The following FRMD4A variants were observed in gnomAD, a reference collection of about 807,000 sequenced individuals.
FRMD4A encodes FERM domain containing 4A.
In FRMD4A, 29 loss-of-function variants were observed where a neutral mutation model predicts 129.1. The ratio of observed to expected loss-of-function variants is 0.22; its 90% confidence interval spans 0.17 to 0.31. The LOEUF is 0.31. Among genes scored for constraint, FRMD4A ranks in the 10% least tolerant of loss-of-function variants. The probability of loss-of-function intolerance (pLI) is 1.00; values close to 1 mark genes in which losing one functional copy is unlikely to be tolerated. For missense variants in FRMD4A, 1,272 were observed against 1,375.8 expected, an observed-to-expected ratio of 0.92 and a Z score of 1.19; for synonymous variants, 634 against 571.6, an observed-to-expected ratio of 1.11 and a Z score of -1.56.
chr10:13,765,101 A>ATTTTTTTTTTTGTTTTTTTTTT (rs2092233025), intron 6 of FRMD4A, among the ~76,000 whole-genome samples: 1 of 125,276 alleles, frequency 8.0e-6, no homozygotes, highest in Non-Finnish European at 1.6e-5. Context: ...TCAAGGATTG[A>ATTTTTTTTTTTGTTTTTTTTTT]TTTTTTTTTT....
intron 2 of FRMD4A, among the ~76,000 whole-genome samples, chr10:14,208,095 G>C (rs1266973939): frequency 2.0e-5 from 3 of 152,062 alleles, no homozygotes. Context: ...TACTTGAGAG[G>C]CTGAGGTGAA....
At chr10:13,802,763 C>T (rs1431450791) in intron 4 of FRMD4A, among the ~76,000 whole-genome samples, 1 of 152,040 alleles carries the variant, frequency 6.6e-6, no homozygotes, top group Non-Finnish European at 1.5e-5. Context: ...TGTTAGTCAC[C>T]ACACGTGGCC....
At chr10:13,802,768 G>A (rs374839715) in intron 4 of FRMD4A, among the ~76,000 whole-genome samples, 12 of 152,082 alleles carry the variant, frequency 7.9e-5, no homozygotes, top group Middle Eastern at 3.4e-3. Context: ...GTCACCACAC[G>A]TGGCCAAGTG....
chr10:14,061,316 G>T (rs1011458354), intron 2 of FRMD4A, among the ~76,000 whole-genome samples: 2 of 152,140 alleles, frequency 1.3e-5, no homozygotes, highest in Admixed American at 6.5e-5. Context: ...TCCAGGTGTG[G>T]TGATGTGCAC....
chr10:13,836,683 G>A (rs2130958297), intron 3 of FRMD4A, among the ~76,000 whole-genome samples: 1 of 151,468 alleles, frequency 6.6e-6, no homozygotes, highest in African/African-American at 2.4e-5. Flanking sequence ...AGGAGGGAGG[G>A]TTTTTCATGG....
chr10:14,045,555 T>C (rs975580830), intron 2 of FRMD4A, among the ~76,000 whole-genome samples: 9 of 150,984 alleles, frequency 6.0e-5, no homozygotes, highest in African/African-American at 1.9e-4. Flanking sequence ...ATAATATGTA[T>C]GTGAATACAT....
At chr10:13,894,825 A>G (rs1016072064) in intron 2 of FRMD4A, among the ~76,000 whole-genome samples, 2 of 152,172 alleles carry the variant, frequency 1.3e-5, no homozygotes, top group South Asian at 4.1e-4. Context: ...CTTAGCCACC[A>G]TCAGGATTCA....
intron 2 of FRMD4A, among the ~76,000 whole-genome samples, chr10:14,161,079 C>T (rs571087758): frequency 8.5e-5 from 13 of 152,280 alleles, no homozygotes; most frequent in Middle Eastern, 3.4e-3. Flanking sequence ...CTCAGCCCCC[C>T]GAGTCGCTGG....
chr10:13,770,324 G>A lies in FRMD4A; in HGVS notation c.385-7644C>T, dbSNP rs191126490. On this transcript the variant is annotated intron_variant, in intron 6 of 24. Coordinates refer to ENST00000357447, the MANE Select transcript of FRMD4A (RefSeq NM_018027.5). ...AGGTGAATGCCACTCATGCTCAGCC[G>A]CAACCCTAACTCTGCCGCGTTGGGA... Among the ~76,000 whole-genome samples the A allele has an allele frequency of 2.9e-3, 442 of 152,230 alleles. 6 individuals carry two copies. The highest frequency in any genetic ancestry group is 0.027 in the Admixed American group (413 of 15,280).
At chr10:13,716,038 T>C (rs2088769497) in intron 12 of FRMD4A, among the ~76,000 whole-genome samples, 1 of 152,168 alleles carries the variant, frequency 6.6e-6, no homozygotes, top group Non-Finnish European at 1.5e-5. Flanking sequence ...AAGTACAGGT[T>C]TGTGTAATGT....
At chr10:14,032,721 C>T (rs1227469697) in intron 2 of FRMD4A, among the ~76,000 whole-genome samples, 1 of 152,216 alleles carries the variant, frequency 6.6e-6, no homozygotes, top group African/African-American at 2.4e-5. Flanking sequence ...ACCCCTCAGA[C>T]ACCAGCATGG....
At chr10:13,817,821 C>A (rs1167149674) in intron 3 of FRMD4A, among the ~76,000 whole-genome samples, 9 of 152,180 alleles carry the variant, frequency 5.9e-5, no homozygotes, top group Non-Finnish European at 1.3e-4. Flanking sequence ...AATACACACA[C>A]CCACATGACA....
At position 14,028,630 on chromosome 10, in the gene FRMD4A, A is replaced by G. The variant is rs1052967937; in HGVS notation, c.46-169718T>C. Among the ~76,000 whole-genome samples the G allele has an allele frequency of 3.6e-4, 54 of 152,072 alleles. 1 individual carries two copies. The highest frequency in any genetic ancestry group is 1.3e-3 in the African/African-American group (54 of 41,312). ...AGGGACTAACAAAACTTGCTTTTCA[A>G]AGGATAAATGCTTGAGGGGATGGAG... On this transcript the variant is annotated intron_variant, in intron 2 of 24. Coordinates refer to ENST00000357447, the MANE Select transcript of FRMD4A (RefSeq NM_018027.5).
intron 9 of FRMD4A, among the ~76,000 whole-genome samples, chr10:13,743,531 C>T (rs984793919): frequency 9.9e-5 from 15 of 152,112 alleles, no homozygotes; most frequent in African/African-American, 3.4e-4. Flanking sequence ...CATGAACACA[C>T]AGAAGGCTCA....
At chr10:13,884,126 ACACACGCTCACACACACTCTCACACACT>A (rs1564970174) in intron 2 of FRMD4A, among the ~76,000 whole-genome samples, 3 of 57,318 alleles carry the variant, frequency 5.2e-5, no homozygotes, top group African/African-American at 2.4e-4. Flanking sequence ...ACACACTCAC[ACACACGCTCACACACACTCTCACACACT>A]CTCACACACA....
At chr10:14,006,860 G>A (rs1197405238) in intron 2 of FRMD4A, among the ~76,000 whole-genome samples, 1 of 152,108 alleles carries the variant, frequency 6.6e-6, no homozygotes, top group Non-Finnish European at 1.5e-5. Context: ...ATACATATTA[G>A]TTGATGATCT....
chr10:13,916,142 C>G (rs1276219201), intron 2 of FRMD4A, among the ~76,000 whole-genome samples: 1 of 152,190 alleles, frequency 6.6e-6, no homozygotes, highest in Non-Finnish European at 1.5e-5. Context: ...CCTGCTACAC[C>G]CTGTGGCTGC....
In FRMD4A at chr10:14,039,394, C is replaced by CTAT. The variant is rs1565204503; in HGVS notation, c.46-180483_46-180482insATA. On this transcript the variant is annotated intron_variant, in intron 2 of 24. Transcript: ENST00000357447. ...TCCATCCATCCATCCATCCATCCAT[C>CTAT]CATCCATCCATCCATCTATCTATCT... is the stretch of plus-strand genomic sequence containing the variant. Among the ~76,000 whole-genome samples, 240 of 146,820 alleles carry CTAT rather than the reference C, an allele frequency of 1.6e-3. 2 individuals are homozygous for CTAT. In the East Asian group the frequency reaches 0.021, roughly 13 times the overall value.
At chr10:14,215,212 C>T (rs1398600077) in intron 2 of FRMD4A, among the ~76,000 whole-genome samples, 1 of 152,112 alleles carries the variant, frequency 6.6e-6, no homozygotes, top group Non-Finnish European at 1.5e-5. Context: ...TCCAGTGGCT[C>T]CAAAGTTATT....
Sources: gnomAD v4.1 joint callset for allele counts (sites outside exome capture counted in the v4.1 genomes callset) on GRCh38, gnomAD v4.1.1 for gene constraint, MANE v1.5 for transcripts, NCBI Gene and HGNC (gene_info 2026-07-23, HGNC 2026-07-21) for gene names.